Variants in FGGY observed in about 807,000 individuals in gnomAD.
FGGY encodes FGGY carbohydrate kinase domain-containing protein.
FGGY carries 72 observed loss-of-function variants against 71.3 expected under a neutral mutation model. The ratio of observed to expected loss-of-function variants is 1.01; its 90% CI spans 0.84 to 1.23. FGGY has a LOEUF of 1.23. FGGY is among the 50% of genes most tolerant of loss of function. The probability of loss-of-function intolerance (pLI) is 0.00; values close to 1 mark genes in which losing one functional copy is unlikely to be tolerated. For synonymous variants in FGGY, 251 were observed against 250.3 expected (o/e 1.00, Z -0.02); for missense variants, 668 against 682.3 (o/e 0.98, Z 0.23).
chr1:59,379,989 C>T (rs2059193539), intron 5 of FGGY, among the ~76,000 whole-genome samples: 1 of 152,072 alleles, frequency 6.6e-6, no homozygotes, highest in South Asian at 2.1e-4. Flanking sequence ...TGTTCCCCTT[C>T]CTGTGTCCAT....
intron 9 of FGGY, among the ~76,000 whole-genome samples, chr1:59,615,230 C>T (rs574440803): frequency 8.5e-5 from 13 of 152,172 alleles, no homozygotes; most frequent in Admixed American, 3.9e-4. Flanking sequence ...GGAGACATCA[C>T]GCTACCTGAC....
chr1:59,343,353 C>T (rs2051101024), intron 3 of FGGY, among the ~76,000 whole-genome samples: 1 of 152,142 alleles, frequency 6.6e-6, no homozygotes, highest in African/African-American at 2.4e-5. Context: ...TGTTCTGTTT[C>T]CCATGCTGCC....
chr1:59,640,964 G>A (rs1158515511), intron 11 of FGGY, among the ~76,000 whole-genome samples: 1 of 150,792 alleles, frequency 6.6e-6, no homozygotes, highest in East Asian at 1.9e-4. Flanking sequence ...TATATAAACA[G>A]GGAATGGAAA....
At chr1:59,524,998 A>G (rs1014607424) in intron 7 of FGGY, among the ~76,000 whole-genome samples, 5 of 152,230 alleles carry the variant, frequency 3.3e-5, no homozygotes, top group African/African-American at 1.2e-4. Context: ...GGGCTCCCCA[A>G]GCCAGGGGTG....
At chr1:59,610,345 G>C (rs1027696331) in intron 9 of FGGY, among the ~76,000 whole-genome samples, 1 of 151,912 alleles carries the variant, frequency 6.6e-6, no homozygotes, top group East Asian at 1.9e-4. Context: ...TTGGTTTTCT[G>C]TTCCTGTGTT....
At chr1:59,566,803 C>CTTTCAA (rs2095879414) in intron 8 of FGGY, among the ~76,000 whole-genome samples, 1 of 134,578 alleles carries the variant, frequency 7.4e-6, no homozygotes, top group Non-Finnish European at 1.5e-5. Flanking sequence ...AATTTACATA[C>CTTTCAA]CATGAAATTT....
chr1:59,377,622 C>T (rs2153324234), intron 4 of FGGY, among the ~76,000 whole-genome samples: 1 of 152,288 alleles, frequency 6.6e-6, no homozygotes, highest in East Asian at 1.9e-4. Context: ...ATCAACATTA[C>T]ACAAATGATT....
intron 14 of FGGY, chr1:59,699,525 A>T: frequency 1.9e-6 from 1 of 514,292 alleles, no homozygotes; most frequent in Non-Finnish European, 2.5e-6. Flanking sequence ...TTTGTGGGTC[A>T]TTGGGGCTGA....
chr1:59,565,574 G>A (rs977520163), intron 8 of FGGY, among the ~76,000 whole-genome samples: 2 of 152,156 alleles, frequency 1.3e-5, no homozygotes, highest in Non-Finnish European at 1.5e-5. Flanking sequence ...GTGAGCCACC[G>A]CGCCTGGCCG....
intron 4 of FGGY, among the ~76,000 whole-genome samples, chr1:59,369,026 A>G (rs147903345): frequency 0.028 from 4,299 of 152,250 alleles, 224 homozygotes; most frequent in African/African-American, 0.098. Context: ...CTGAGGTACT[A>G]GGTTCATCTC....
intron 7 of FGGY, among the ~76,000 whole-genome samples, chr1:59,517,304 C>T (rs1345030389): frequency 4.2e-5 from 5 of 118,284 alleles, no homozygotes; most frequent in Middle Eastern, 8.2e-3. Context: ...CTCGCTCTGT[C>T]GCCCAGGCTG....
intron 6 of FGGY, among the ~76,000 whole-genome samples, chr1:59,471,994 C>G (rs1275741180): frequency 2.0e-5 from 3 of 152,258 alleles, no homozygotes; most frequent in Non-Finnish European, 2.9e-5. Flanking sequence ...CTCGCTCGCT[C>G]TCCGCGCCTC....
intron 7 of FGGY, among the ~76,000 whole-genome samples, chr1:59,521,769 T>C (rs2094840427): frequency 1.3e-5 from 2 of 152,198 alleles, no homozygotes; most frequent in South Asian, 2.1e-4. Flanking sequence ...CGCCCCATTG[T>C]ACTACACTGT....
chr1:59,325,274 G>A (rs1001103144), intron 2 of FGGY, among the ~76,000 whole-genome samples: 2 of 152,092 alleles, frequency 1.3e-5, no homozygotes, highest in Admixed American at 6.5e-5. Context: ...GGAGAATGGC[G>A]TGAACCTGGG....
intron 5 of FGGY, among the ~76,000 whole-genome samples, chr1:59,391,049 T>C (rs571703770): frequency 9.6e-4 from 147 of 152,336 alleles, no homozygotes; most frequent in Non-Finnish European, 1.8e-3. Flanking sequence ...TCTGCCACTT[T>C]TAAGATAAAT....
At position 59,321,588 on chromosome 1, in the gene FGGY, GGGTGT is replaced by G. The variant is rs2046392255; in HGVS notation, c.42_46del (p.Val15ArgfsTer26). 2 of 1,613,836 alleles carry G rather than the reference GGGTGT, an allele frequency of 1.2e-6. No individual in the cohort carries two copies. The highest frequency in any genetic ancestry group is 2.7e-5 in the African/African-American group (2 of 74,920). ...AACAGAAACCAGAGAGGTACTATGT[GGGTGT>G]GGACGTTGGAACAGGCAGTGTCCGT... On this transcript the variant is annotated frameshift_variant, in exon 2 of 16. Coordinates refer to ENST00000303721, the MANE Select transcript of FGGY (RefSeq NM_018291.5). LOFTEE classifies it high-confidence loss of function.
At chr1:59,452,282 A>G (rs530465773) in intron 5 of FGGY, among the ~76,000 whole-genome samples, 1 of 152,250 alleles carries the variant, frequency 6.6e-6, no homozygotes, top group East Asian at 1.9e-4. Context: ...GACAGTTACT[A>G]TGGTAAATTA....
intron 1 of FGGY, among the ~76,000 whole-genome samples, chr1:59,304,497 A>G (rs2043175930): frequency 6.6e-6 from 1 of 151,944 alleles, no homozygotes; most frequent in South Asian, 2.1e-4. Context: ...TGAAATTGGG[A>G]AGTGTGATGT....
chr1:59,716,852 T>G (rs951521188), intron 14 of FGGY, among the ~76,000 whole-genome samples: 4 of 152,120 alleles, frequency 2.6e-5, no homozygotes, highest in African/African-American at 4.8e-5. Context: ...ACAGATTTCC[T>G]GCAGAAATGG....
Sources: allele counts gnomAD v4.1 joint callset (sites outside exome capture counted in the v4.1 genomes callset), GRCh38; gene constraint gnomAD v4.1.1; transcripts MANE v1.5; gene names NCBI Gene and HGNC (gene_info 2026-07-23, HGNC 2026-07-21).